Variants in TAF4B observed in about 807,000 individuals in gnomAD.
The protein encoded by TAF4B is TATA-box binding protein associated factor 4b.
A neutral mutation model predicts 86.4 loss-of-function variants in TAF4B; 38 were observed. That is an observed-to-expected ratio of 0.44 (90% CI 0.34 to 0.58). The LOEUF (loss-of-function observed/expected upper bound fraction) is 0.58, where lower values mean the gene tolerates loss of function less well. TAF4B is among the 20% of genes least tolerant of loss of function. TAF4B has a pLI of 0.02. For missense variants in TAF4B, 988 were observed against 1,027.6 expected (o/e 0.96, Z 0.53); for synonymous variants, 388 against 391.2 (o/e 0.99, Z 0.10).
intron 14 of TAF4B, among the ~76,000 whole-genome samples, chr18:26,362,742 G>C (rs940692700): frequency 2.6e-5 from 4 of 152,110 alleles, no homozygotes; most frequent in African/African-American, 9.7e-5. Flanking sequence ...ACTCAGGCAT[G>C]CATATTTTCC....
intron 13 of TAF4B, among the ~76,000 whole-genome samples, chr18:26,344,078 A>G (rs991436946): frequency 1.3e-5 from 2 of 152,224 alleles, no homozygotes; most frequent in African/African-American, 2.4e-5. Flanking sequence ...GCTAGAAAAT[A>G]TAAAGAATAA....
At position 26,389,850 on chromosome 18, in the gene TAF4B, A is replaced by G; in HGVS notation, c.2427A>G (p.Leu809=). The part of the protein sequence containing the change: ...KRPLESGIEG[L]KDNLLASGTS... Reference sequence around the variant, plus strand: ...TTTCCTTTTATTATTTTTAGGGCTTAAAAGACAACCTTCTTGCTTCTGGGA... The same window carrying G: ...TTTCCTTTTATTATTTTTAGGGCTTGAAAGACAACCTTCTTGCTTCTGGGA... The change falls in exon 15 of 15, where the codon TTA becomes TTG. Residue 809 remains leucine (L), a synonymous_variant. Transcript: ENST00000269142. 2 of 1,609,186 alleles carry G rather than the reference A, an allele frequency of 1.2e-6. No individual in the cohort carries two copies. The highest frequency in any genetic ancestry group is 1.7e-6 in the Non-Finnish European group (2 of 1,178,746).
At chr18:26,308,628 T>C (rs1468657264) in intron 9 of TAF4B, among the ~76,000 whole-genome samples, 1 of 152,040 alleles carries the variant, frequency 6.6e-6, no homozygotes, top group Non-Finnish European at 1.5e-5. Context: ...ATCCGAGCAC[T>C]TTGGGAGGCC....
chr18:26,306,481 A>G (rs375934160), intron 9 of TAF4B, among the ~76,000 whole-genome samples: 9 of 152,302 alleles, frequency 5.9e-5, no homozygotes, highest in Middle Eastern at 3.4e-3. Flanking sequence ...TTAATCGTCT[A>G]TGAAAGCTTA....
chr18:26,295,989 T>TG (rs2056657803), intron 9 of TAF4B, among the ~76,000 whole-genome samples: 1 of 88 alleles, frequency 0.011, no homozygotes, highest in African/African-American at 0.045. Context: ...TTCACGATTT[T>TG]GTGTGTGTGT....
intron 13 of TAF4B, among the ~76,000 whole-genome samples, chr18:26,346,845 GTATATATATATA>G (rs1243558379): frequency 1.6e-3 from 22 of 13,944 alleles, no homozygotes; most frequent in Non-Finnish European, 3.3e-3. Context: ...ATGTGTGTGT[GTATATATATATA>G]TGTGTATATA....
chr18:26,304,236 T>A (rs138356823), intron 9 of TAF4B, among the ~76,000 whole-genome samples: 17 of 151,824 alleles, frequency 1.1e-4, no homozygotes, highest in Non-Finnish European at 1.3e-4. Context: ...AAATATATGT[T>A]CACATTTAAA....
At chr18:26,300,441 T>C (rs1003747932) in intron 9 of TAF4B, among the ~76,000 whole-genome samples, 2 of 148,726 alleles carry the variant, frequency 1.3e-5, no homozygotes, top group African/African-American at 4.9e-5. Flanking sequence ...AATACTGATT[T>C]AGCACCCAAC....
intron 3 of TAF4B, among the ~76,000 whole-genome samples, chr18:26,268,736 T>C (rs1229169810): frequency 6.6e-5 from 10 of 152,242 alleles, no homozygotes; most frequent in Non-Finnish European, 1.5e-4. Flanking sequence ...AGATAATTAC[T>C]CCTGTCTTTC....
At chr18:26,367,576 C>T (rs988232678) in intron 14 of TAF4B, among the ~76,000 whole-genome samples, 1 of 152,142 alleles carries the variant, frequency 6.6e-6, no homozygotes, top group Non-Finnish European at 1.5e-5. Context: ...ATTCAGTCTG[C>T]TGATTCAAAT....
chr18:26,239,591 A>G, intron 1 of TAF4B, among the ~76,000 whole-genome samples: 1 of 152,208 alleles, frequency 6.6e-6, no homozygotes, highest in East Asian at 1.9e-4. Context: ...CTTTAGTTTA[A>G]TAAGATCCCA....
intron 1 of TAF4B, among the ~76,000 whole-genome samples, chr18:26,234,695 G>A (rs2144434811): frequency 6.6e-6 from 1 of 152,274 alleles, no homozygotes; most frequent in East Asian, 1.9e-4. Context: ...CTCTTGGGTG[G>A]CGTAAGTCTG....
In TAF4B at chr18:26,309,245, A is replaced by ATTTT. The variant is rs59457633; in HGVS notation, c.1833-5952_1833-5949dup. On this transcript the variant is annotated intron_variant, in intron 9 of 14. Coordinates refer to ENST00000269142, the MANE Select transcript of TAF4B (RefSeq NM_005640.3). ...CACTTTAGGGAAAAAACCTGACAGT[A>ATTTT]TTTTTTTTTTTTTTTTTTTTTTTTT... Among the ~76,000 whole-genome samples the ATTTT allele has an allele frequency of 1.5e-3, 129 of 84,562 alleles. 8 individuals carry two copies. Among genetic ancestry groups the ATTTT allele is most frequent in the African/African-American group, 4.8e-3 (124 of 25,976 alleles). 55.5% of individuals were successfully genotyped at this position (84,562 alleles called of 152,430 possible).
At chr18:26,238,309 A>T (rs2055780927) in intron 1 of TAF4B, among the ~76,000 whole-genome samples, 1 of 152,176 alleles carries the variant, frequency 6.6e-6, no homozygotes, top group Admixed American at 6.5e-5. Context: ...AAGGGAAGGG[A>T]TCTCCAGGGT....
intron 9 of TAF4B, chr18:26,295,270 G>A: frequency 5.8e-6 from 2 of 342,440 alleles, no homozygotes; most frequent in South Asian, 2.4e-5. Flanking sequence ...TCTCTTGGTT[G>A]GATGAAGTTC....
At chr18:26,259,961 T>C (rs1415378628) in intron 1 of TAF4B, among the ~76,000 whole-genome samples, 1 of 152,208 alleles carries the variant, frequency 6.6e-6, no homozygotes, top group African/African-American at 2.4e-5. Flanking sequence ...TCCTGACTTT[T>C]TAATGATTGC....
chr18:26,273,590 T>A (rs1375985069), intron 3 of TAF4B, among the ~76,000 whole-genome samples: 1 of 152,224 alleles, frequency 6.6e-6, no homozygotes, highest in African/African-American at 2.4e-5. Context: ...AGACAGGGTC[T>A]TGTTAGGTTA....
At chr18:26,277,286 A>G (rs933663698) in intron 5 of TAF4B, among the ~76,000 whole-genome samples, 8 of 152,030 alleles carry the variant, frequency 5.3e-5, no homozygotes, top group Non-Finnish European at 1.0e-4. Context: ...GGGTCTTGCT[A>G]TGTTGCTCAG....
At chr18:26,381,604 G>T (rs886540937) in intron 14 of TAF4B, among the ~76,000 whole-genome samples, 2 of 151,900 alleles carry the variant, frequency 1.3e-5, no homozygotes, top group Non-Finnish European at 2.9e-5. Context: ...GCAGGTGCTT[G>T]TAATCCCAGC....
Sources: gnomAD v4.1 joint callset for allele counts (sites outside exome capture counted in the v4.1 genomes callset) on GRCh38, gnomAD v4.1.1 for gene constraint, MANE v1.5 for transcripts, NCBI Gene and HGNC (gene_info 2026-07-23, HGNC 2026-07-21) for gene names.